Variants in FUT8 observed in about 807,000 individuals in gnomAD.
FUT8 encodes alpha-(1,6)-fucosyltransferase.
A neutral mutation model predicts 71.3 loss-of-function variants in FUT8; 29 were observed. The ratio of observed to expected loss-of-function variants is 0.41; its 90% CI spans 0.30 to 0.55. The LOEUF is 0.55. Among genes scored for constraint, FUT8 ranks in the 20% least tolerant of loss-of-function variants. FUT8 has a pLI of 0.34. For synonymous variants in FUT8, 254 were observed against 239.3 expected, an observed-to-expected ratio of 1.06 and a Z score of -0.57; for missense variants, 544 against 702.1, an observed-to-expected ratio of 0.77 and a Z score of 2.55.
chr14:65,400,393 T>G, the FUT8 span, among the ~76,000 whole-genome samples: 1 of 152,250 alleles, frequency 6.6e-6, no homozygotes, highest in African/African-American at 2.4e-5. Context: ...GTGTATGTCA[T>G]GTACCACAAG....
intron 7 of FUT8, among the ~76,000 whole-genome samples, chr14:65,690,747 AAG>A (rs1359647745): frequency 3.3e-5 from 5 of 150,036 alleles, no homozygotes; most frequent in Middle Eastern, 3.2e-3. Flanking sequence ...TTTTTGAAAC[AAG>A]AGTCTCGCTC....
intron 5 of FUT8, among the ~76,000 whole-genome samples, chr14:65,618,045 A>ATG (rs1566856039): frequency 1.4e-4 from 17 of 122,602 alleles, no homozygotes; most frequent in Non-Finnish European, 1.7e-4. Context: ...ATATATATAT[A>ATG]TATATATATG....
chr14:65,704,970 T>C (rs28612256), intron 7 of FUT8, among the ~76,000 whole-genome samples: 1,594 of 152,348 alleles, frequency 0.01, 29 homozygotes, highest in African/African-American at 0.037. Context: ...TCTGTTGCTA[T>C]TAAAAGCAGC....
At chr14:65,397,451 C>T in the FUT8 span, among the ~76,000 whole-genome samples, 1 of 152,206 alleles carries the variant, frequency 6.6e-6, no homozygotes, top group Non-Finnish European at 1.5e-5. The surrounding 1 kb of genome is among the most constrained non-coding windows in gnomAD (Gnocchi z 4.2). Context: ...AAAAAATTTT[C>T]CAACACAACC....
At position 65,542,308 on chromosome 14, in the gene FUT8, G is replaced by C. The variant is rs144323241; in HGVS notation, c.-227-19029G>C. Among the ~76,000 whole-genome samples, 426 of 152,180 alleles carry C rather than the reference G, an allele frequency of 2.8e-3. 6 individuals are homozygous for C. The highest frequency in any genetic ancestry group is 9.8e-3 in the African/African-American group (405 of 41,522). ...TTAGCGGTGCCAGGATTTAGACCTT[G>C]TTCTGTCTAACCTTAGAGCCTGTAC... On this transcript the variant is annotated intron_variant, in intron 2 of 10. Coordinates refer to ENST00000673929, the MANE Select transcript of FUT8 (RefSeq NM_001371533.1).
At chr14:65,670,544 ATC>A (rs1392697245) in intron 7 of FUT8, among the ~76,000 whole-genome samples, 1 of 152,164 alleles carries the variant, frequency 6.6e-6, no homozygotes, top group Non-Finnish European at 1.5e-5. Flanking sequence ...GACAGTACAC[ATC>A]CTCTGCACTC....
intron 7 of FUT8, among the ~76,000 whole-genome samples, chr14:65,683,317 T>A (rs1263221406): frequency 6.6e-6 from 1 of 152,262 alleles, no homozygotes; most frequent in East Asian, 1.9e-4. Flanking sequence ...CTGGCCAGGT[T>A]TCTTATTTTT....
At chr14:65,362,758 C>G in the FUT8 span, among the ~76,000 whole-genome samples, 5 of 151,368 alleles carry the variant, frequency 3.3e-5, no homozygotes, top group Non-Finnish European at 4.4e-5. Context: ...GTCAGGAGAT[C>G]GAGACCATCC....
chr14:65,508,067 C>CTTT (rs71446303), intron 2 of FUT8, among the ~76,000 whole-genome samples: 9 of 126,004 alleles, frequency 7.1e-5, no homozygotes, highest in African/African-American at 1.4e-4. Flanking sequence ...ATGTTAAACA[C>CTTT]TTTTTTTTTT....
chr14:65,359,641 T>C, the FUT8 span, among the ~76,000 whole-genome samples: 31 of 152,362 alleles, frequency 2.0e-4, no homozygotes, highest in South Asian at 3.1e-3. Context: ...AGTTCATCCA[T>C]GTTATACTGT....
intron 1 of FUT8, among the ~76,000 whole-genome samples, chr14:65,447,000 C>T (rs936563881): frequency 6.6e-6 from 1 of 151,962 alleles, no homozygotes; most frequent in African/African-American, 2.4e-5. Flanking sequence ...AACATTCTGC[C>T]CCTTTGTCTG....
chr14:65,549,176 C>T (rs568137932), intron 2 of FUT8, among the ~76,000 whole-genome samples: 6 of 152,270 alleles, frequency 3.9e-5, no homozygotes, highest in African/African-American at 1.4e-4. Flanking sequence ...TTGGCATTTT[C>T]TTGTAAACAT....
At chr14:65,505,006 A>G (rs1385629882) in intron 2 of FUT8, among the ~76,000 whole-genome samples, 2 of 152,208 alleles carry the variant, frequency 1.3e-5, no homozygotes. Context: ...CAGTATCACT[A>G]TTCTTACTGA....
chr14:65,448,312 G>A (rs2065772905), intron 1 of FUT8, among the ~76,000 whole-genome samples: 1 of 152,090 alleles, frequency 6.6e-6, no homozygotes, highest in Admixed American at 6.6e-5. Context: ...CTATAGAATG[G>A]GGGGGCGGAA....
At chr14:65,415,122 G>GA (rs1334308526) in intron 1 of FUT8, among the ~76,000 whole-genome samples, 1 of 152,122 alleles carries the variant, frequency 6.6e-6, no homozygotes, top group African/African-American at 2.4e-5. Flanking sequence ...CAGTGGATTG[G>GA]AAAAAACTGT....
intron 6 of FUT8, among the ~76,000 whole-genome samples, chr14:65,633,213 G>T (rs1890308237): frequency 6.6e-6 from 1 of 152,192 alleles, no homozygotes; most frequent in Non-Finnish European, 1.5e-5. Context: ...TGGAGACGGG[G>T]TTTCGCTGTG....
chr14:65,742,462 C>A lies in FUT8; in HGVS notation c.*52C>A. ...AAACTCAGTTCGACCAAACTCAGTTCAAACCATTTCAGCCAAACTGTAGAT... is the reference window on the plus strand; with the variant it reads ...AAACTCAGTTCGACCAAACTCAGTTAAAACCATTTCAGCCAAACTGTAGAT... On this transcript the variant is annotated 3_prime_UTR_variant, in exon 11 of 11. Coordinates refer to ENST00000673929, the MANE Select transcript of FUT8 (RefSeq NM_001371533.1). 6.6e-7 allele frequency: 1 copy of A among 1,506,958 alleles called. No homozygotes were observed. The highest frequency in any genetic ancestry group is 9.0e-7 in the Non-Finnish European group (1 of 1,106,010). 93.3% of individuals were successfully genotyped at this position (1,506,958 alleles called of 1,614,324 possible). A position where few individuals can be genotyped will look rare whatever the true frequency, so the allele number is the denominator to read the frequency against.
chr14:65,532,579 T>C (rs934869813), intron 2 of FUT8, among the ~76,000 whole-genome samples: 7 of 152,210 alleles, frequency 4.6e-5, no homozygotes, highest in Admixed American at 4.6e-4. Context: ...TTTTCTGTCA[T>C]TCTGTAGGTT....
intron 1 of FUT8, among the ~76,000 whole-genome samples, chr14:65,444,512 C>T (rs964239011): frequency 1.3e-5 from 2 of 152,124 alleles, no homozygotes. Flanking sequence ...TTGCCCAAAA[C>T]TGGAAACAAC....
Sources: gnomAD v4.1 joint callset for allele counts (sites outside exome capture counted in the v4.1 genomes callset) on GRCh38, gnomAD v4.1.1 for gene constraint, Gnocchi (gnomAD v3.1) non-coding constraint, MANE v1.5 for transcripts, NCBI Gene and HGNC (gene_info 2026-07-23, HGNC 2026-07-21) for gene names.